Variants in DNAH12 observed in about 807,000 individuals in gnomAD.
DNAH12 encodes the protein axonemal beta dynein heavy chain 12.
A neutral mutation model predicts 371.5 loss-of-function variants in DNAH12; 285 were observed. That is an observed-to-expected ratio of 0.77 (90% CI 0.70 to 0.85). The LOEUF (loss-of-function observed/expected upper bound fraction) is 0.85. Among genes scored for constraint, DNAH12 ranks in the 40% least tolerant of loss-of-function variants. DNAH12 has a pLI of 0.00. For missense variants in DNAH12, 3,611 were observed against 3,689.4 expected, an observed-to-expected ratio of 0.98 and a Z score of 0.55; for synonymous variants, 1,200 against 1,213.0, an observed-to-expected ratio of 0.99 and a Z score of 0.22.
Position 57,446,586 on chromosome 3 carries a change from C to G in DNAH12, c.3890G>C (p.Cys1297Ser). 6.4e-7 allele frequency: 1 copy of G among 1,550,694 alleles called. No homozygotes were observed. Among genetic ancestry groups the G allele is most frequent in the Non-Finnish European group, 8.7e-7 (1 of 1,146,486 alleles). ...KDLAKALAVQ[C>S]VVFNCSDGLD... is the part of the protein sequence containing the mutation. ...CCCATCAGAACAGTTGAACACCACA[C>G]ACTGTACAGCAAGAGCTTTAGCCAA... The change falls in exon 26 of 74, where the codon TGT becomes TCT. Residue 1297 changes from cysteine (C) to serine (S), a missense_variant. Physicochemically the swap from Cys to Ser is moderately radical, Grantham distance 112. Around this residue, in one of 3 missense-constraint regions of DNAH12, gnomAD observed 2,266 missense variants for 2,236.9 expected, o/e 1.01. Coordinates refer to ENST00000495027, the MANE Select transcript of DNAH12 (RefSeq NM_001366028.2).
At chr3:57,305,552 T>G (rs928054352) in intron 69 of DNAH12, among the ~76,000 whole-genome samples, 1 of 152,174 alleles carries the variant, frequency 6.6e-6, no homozygotes, top group Non-Finnish European at 1.5e-5. Flanking sequence ...TGCTCCTTTT[T>G]CTTTATCCCA....
intron 40 of DNAH12, 76 bp downstream of exon 40, chr3:57,408,204 C>T: frequency 7.1e-7 from 1 of 1,405,740 alleles, no homozygotes; most frequent in South Asian, 1.6e-5. Flanking sequence ...AAGCAGATAG[C>T]ATCAAAAAAA....
At chr3:57,369,248 TAA>T (rs1360855890) in intron 55 of DNAH12, among the ~76,000 whole-genome samples, 1 of 144,112 alleles carries the variant, frequency 6.9e-6, no homozygotes, top group Non-Finnish European at 1.5e-5. Context: ...TATATATATA[TAA>T]AACTGTATTT....
chr3:57,520,805 C>A (rs2068399879), intron 4 of DNAH12, among the ~76,000 whole-genome samples: 1 of 151,980 alleles, frequency 6.6e-6, no homozygotes, highest in South Asian at 2.1e-4. Context: ...TTTATATATT[C>A]TAGATACAAG....
intron 64 of DNAH12, 51 bp downstream of exon 64, chr3:57,322,956 T>C: frequency 6.5e-7 from 1 of 1,531,522 alleles, no homozygotes; most frequent in Admixed American, 2.0e-5. Context: ...ACAAATAAGA[T>C]ATACAGATAG....
intron 25 of DNAH12, among the ~76,000 whole-genome samples, chr3:57,448,481 G>C (rs115520011): frequency 3.9e-5 from 6 of 152,124 alleles, no homozygotes; most frequent in East Asian, 1.9e-4. Context: ...TCGTGGTCTC[G>C]CTGGCTTCAG....
chr3:57,304,163 A>C (rs1038223021), intron 69 of DNAH12, among the ~76,000 whole-genome samples: 1 of 150,962 alleles, frequency 6.6e-6, no homozygotes, highest in Non-Finnish European at 1.5e-5. Flanking sequence ...CACTGACAAA[A>C]CCTCTCTTTT....
chr3:57,446,097 A>G lies in DNAH12; in HGVS notation c.4113T>C (p.Asn1371=). ...FEGTELKLNP[N]CFVAITMNPG... is the part of the protein sequence containing the mutation. ...GATTCATGGTAATAGCTACAAAACA[A>G]TTCGGATTGAGCTTAAGTTCTGTCC... The change falls in exon 27 of 74, where the codon AAT becomes AAC. Residue 1371 remains asparagine (N), a synonymous_variant. Coordinates refer to ENST00000495027, the MANE Select transcript of DNAH12 (RefSeq NM_001366028.2). 5.2e-6 allele frequency: 8 copies of G among 1,551,710 alleles called. No homozygotes were observed. Among genetic ancestry groups the G allele is most frequent in the Non-Finnish European group, 7.0e-6 (8 of 1,146,994 alleles).
intron 4 of DNAH12, among the ~76,000 whole-genome samples, chr3:57,511,472 A>C (rs1466815094): frequency 6.6e-6 from 1 of 152,226 alleles, no homozygotes; most frequent in Non-Finnish European, 1.5e-5. Context: ...ATGAAAAGAC[A>C]CTTGATCTTA....
At chr3:57,330,220 C>A in intron 62 of DNAH12, among the ~76,000 whole-genome samples, 1 of 151,608 alleles carries the variant, frequency 6.6e-6, no homozygotes, top group East Asian at 1.9e-4. Context: ...TGGGTATATA[C>A]CCAAAGGACT....
At chr3:57,382,899 CA>C (rs2063424479) in intron 49 of DNAH12, among the ~76,000 whole-genome samples, 3 of 152,168 alleles carry the variant, frequency 2.0e-5, no homozygotes, top group Non-Finnish European at 4.4e-5. Flanking sequence ...ACATTCCTTG[CA>C]AGATGCAAAT....
chr3:57,484,580 A>C lies in DNAH12; in HGVS notation c.1515-1069T>G, dbSNP rs549011664. ...CTTAAATCCGAGACCTGAAACCATA[A>C]AAATTCTAGAAAATAACATCAGAAA... On this transcript the variant is annotated intron_variant, in intron 12 of 73. Transcript: ENST00000495027. Among the ~76,000 whole-genome samples, 10 of 152,294 alleles carry C rather than the reference A, an allele frequency of 6.6e-5. No individual in the cohort carries two copies. In the South Asian group the frequency reaches 2.1e-3, roughly 32 times the overall value.
chr3:57,323,503 A>C lies in DNAH12; in HGVS notation c.10095T>G (p.Ile3365Met). The C allele has an allele frequency of 6.4e-7, 1 of 1,550,550 alleles. No homozygotes were observed. Among genetic ancestry groups the C allele is most frequent in the Non-Finnish European group, 8.7e-7 (1 of 1,146,704 alleles). Residue 3365 changes from isoleucine (I) to methionine (M), a missense_variant, in exon 63 of 74, where the codon ATT becomes ATG. Physicochemically the swap from Ile to Met is conservative, Grantham distance 10. Coordinates refer to ENST00000495027, the MANE Select transcript of DNAH12 (RefSeq NM_001366028.2). ...GATCTGCTCCTGGAGATAGAACAAA[A>C]ATTAAGGGAATGGTGCAATTTGAAT... ...YLDSNCTIPL[I>M]FVLSPGADPM...
intron 60 of DNAH12, among the ~76,000 whole-genome samples, chr3:57,338,727 G>A (rs956987449): frequency 8.8e-5 from 13 of 147,376 alleles, no homozygotes; most frequent in South Asian, 2.2e-4. Context: ...GGTGAGGAGC[G>A]CCTCTGCCCG....
intron 67 of DNAH12, among the ~76,000 whole-genome samples, chr3:57,310,400 TCTC>T (rs1238142617): frequency 6.6e-6 from 1 of 152,152 alleles, no homozygotes; most frequent in Non-Finnish European, 1.5e-5. Context: ...TACTGCCTCT[TCTC>T]CTGCTAATTT....
At chr3:57,486,626 T>C (rs1414546272) in intron 12 of DNAH12, among the ~76,000 whole-genome samples, 7 of 152,134 alleles carry the variant, frequency 4.6e-5, no homozygotes, top group Non-Finnish European at 7.3e-5. Context: ...ATTCTAAATA[T>C]AGCAGCAAAT....
intron 69 of DNAH12, among the ~76,000 whole-genome samples, chr3:57,305,919 T>G (rs151305729): frequency 0.015 from 2,326 of 152,262 alleles, 54 homozygotes; most frequent in African/African-American, 0.053. Flanking sequence ...GCACCGAGGC[T>G]TTCCTCCAGA....
At chr3:57,404,117 A>G (rs908627320) in intron 42 of DNAH12, among the ~76,000 whole-genome samples, 7 of 152,232 alleles carry the variant, frequency 4.6e-5, no homozygotes, top group Non-Finnish European at 1.0e-4. Context: ...AATAGCCTAG[A>G]GAAATTCTCA....
chr3:57,481,987 A>T (rs890188031), intron 13 of DNAH12, among the ~76,000 whole-genome samples: 3 of 152,208 alleles, frequency 2.0e-5, no homozygotes, highest in Non-Finnish European at 2.9e-5. Context: ...AACCTAGGCA[A>T]TACCATTCAG....
Sources: gnomAD v4.1 joint callset for allele counts (sites outside exome capture counted in the v4.1 genomes callset) on GRCh38, gnomAD v4.1.1 for gene constraint, gnomAD v4.1.1 regional missense constraint, MANE v1.5 for transcripts, NCBI Gene and HGNC (gene_info 2026-07-23, HGNC 2026-07-21) for gene names.